ZNF75D: variants seen among roughly 807,000 people sequenced by gnomAD.
ZNF75D encodes the protein zinc finger protein 75D, also known as zinc finger protein 75.
Under a neutral mutation model 33.3 loss-of-function variants are expected in ZNF75D, and 33 were observed. The ratio of observed to expected loss-of-function variants is 0.99; its 90% CI spans 0.75 to 1.32. The LOEUF (loss-of-function observed/expected upper bound fraction) is 1.32, where lower values mean the gene tolerates loss of function less well. Among genes scored for constraint, ZNF75D ranks in the 40% most tolerant of loss-of-function variants. ZNF75D has a pLI of 0.00. For synonymous variants in ZNF75D, 113 were observed against 130.6 expected (o/e 0.87, Z 0.92); for missense variants, 338 against 367.5 (o/e 0.92, Z 0.66).
chrX:135,278,288 T>C (rs1393810174), intron 1 of ZNF75D, among the ~76,000 whole-genome samples: 1 of 111,771 alleles, frequency 8.9e-6, no homozygotes, highest in Non-Finnish European at 1.9e-5. Context: ...TTGGCTCATC[T>C]GTCTATTATT....
intron 1 of ZNF75D, among the ~76,000 whole-genome samples, chrX:135,257,186 C>T (rs188073871): frequency 3.5e-5 from 4 of 112,748 alleles, no homozygotes; most frequent in African/African-American, 1.3e-4. Flanking sequence ...AGTACCAGCT[C>T]AGCCAGTGCA....
exon 4 of ZNF75D, chrX:135,249,070 T>C (rs2083770768): frequency 3.1e-6 from 1 of 324,330 alleles, no homozygotes; most frequent in African/African-American, 2.7e-5. Context: ...TGGTATGGCT[T>C]GCTTCAGTGT....
chrX:135,287,399 G>A lies in ZNF75D; in HGVS notation c.1271C>T (p.Ser424Leu), dbSNP rs782652504. 6 of 1,211,313 alleles carry A rather than the reference G, an allele frequency of 5.0e-6. No homozygotes were observed. The highest frequency in any genetic ancestry group is 3.5e-5 in the South Asian group (2 of 56,951). The change falls in exon 7 of 7, where the codon TCA becomes TTA. Residue 424 changes from serine to leucine, a missense_variant. Coordinates refer to ENST00000370766, the MANE Select transcript of ZNF75D (RefSeq NM_007131.5). ...THQGIKPYRC[S>L]WCGKSFSHNT... ...ATGACTAAAGCTTTTCCCACACCAT[G>A]AGCATCTATATGGTTTTATTCCTTG...
At chrX:135,269,264 T>C (rs2083873733) in intron 1 of ZNF75D, among the ~76,000 whole-genome samples, 1 of 110,850 alleles carries the variant, frequency 9.0e-6, no homozygotes, top group Non-Finnish European at 1.9e-5. Context: ...TCATATCAAG[T>C]GAAAAACCTT....
chrX:135,266,130 C>T (rs1556416295), intron 1 of ZNF75D, among the ~76,000 whole-genome samples: 1 of 110,763 alleles, frequency 9.0e-6, no homozygotes, highest in Admixed American at 9.7e-5. Context: ...AACACATACA[C>T]AAAAATAAAA....
chrX:135,306,286 CAT>C (rs1321918286), intron 1 of ZNF75D, among the ~76,000 whole-genome samples: 44 of 68,242 alleles, frequency 6.4e-4, no homozygotes, highest in African/African-American at 1.7e-3. Context: ...AACAGAGATA[CAT>C]ACACACACAC....
intron 1 of ZNF75D, among the ~76,000 whole-genome samples, chrX:135,318,513 G>A (rs1190076433): frequency 4.5e-5 from 5 of 111,433 alleles, no homozygotes; most frequent in East Asian, 2.8e-4. Context: ...GAACTTAGAT[G>A]ACCAAAATCC....
intron 1 of ZNF75D, among the ~76,000 whole-genome samples, chrX:135,265,038 G>T (rs781942595): frequency 1.9e-4 from 21 of 111,192 alleles, no homozygotes; most frequent in Admixed American, 4.8e-4. Context: ...GGCCAAAATG[G>T]TGAAACCCCA....
chrX:135,299,306 C>G (rs2084180761), intron 1 of ZNF75D, among the ~76,000 whole-genome samples: 1 of 111,849 alleles, frequency 8.9e-6, no homozygotes, highest in Admixed American at 9.5e-5. Context: ...TTATTACATG[C>G]CTTTTTAAAT....
chrX:135,340,612 C>T (rs1179861115), intron 1 of ZNF75D, among the ~76,000 whole-genome samples: 1 of 111,739 alleles, frequency 8.9e-6, no homozygotes, highest in Non-Finnish European at 1.9e-5. Context: ...GCACAGTGTC[C>T]GGGGACTCTG....
chrX:135,269,966 T>A (rs1314260152), intron 1 of ZNF75D, among the ~76,000 whole-genome samples: 2 of 111,100 alleles, frequency 1.8e-5, no homozygotes, highest in African/African-American at 6.5e-5. Flanking sequence ...GCGGAGGTCA[T>A]TATGTTAAGC....
At chrX:135,308,345 G>C (rs2084314769) in intron 1 of ZNF75D, among the ~76,000 whole-genome samples, 1 of 112,080 alleles carries the variant, frequency 8.9e-6, no homozygotes, top group Non-Finnish European at 1.9e-5. Context: ...TTCTTCAAAA[G>C]AAACCTGAGT....
chrX:135,306,297 AC>A, intron 1 of ZNF75D, among the ~76,000 whole-genome samples: 1 of 77,070 alleles, frequency 1.3e-5, no homozygotes, highest in South Asian at 7.3e-4. Flanking sequence ...ATACACACAC[AC>A]ACACACACAC....
chrX:135,275,041 G>T (rs1368278824), intron 1 of ZNF75D, among the ~76,000 whole-genome samples: 1 of 112,036 alleles, frequency 8.9e-6, no homozygotes, highest in Non-Finnish European at 1.9e-5. Context: ...CTAAAAGTTA[G>T]TTCAAATTAC....
At chrX:135,323,429 G>A (rs1199165377) in intron 1 of ZNF75D, among the ~76,000 whole-genome samples, 1 of 112,258 alleles carries the variant, frequency 8.9e-6, no homozygotes, top group Non-Finnish European at 1.9e-5. Flanking sequence ...ATTTTGTAGG[G>A]TCCTAGTGAG....
At chrX:135,269,491 A>G (rs888676636) in intron 1 of ZNF75D, among the ~76,000 whole-genome samples, 1 of 112,484 alleles carries the variant, frequency 8.9e-6, no homozygotes, top group African/African-American at 3.2e-5. Context: ...AGACATATGA[A>G]AAGGTCCTCA....
intron 1 of ZNF75D, among the ~76,000 whole-genome samples, chrX:135,277,160 C>A (rs1556417726): frequency 8.9e-6 from 1 of 112,185 alleles, no homozygotes; most frequent in African/African-American, 3.2e-5. Context: ...TCTGTTGTTT[C>A]CTGTCTTTTT....
chrX:135,278,156 C>T (rs1556417904), intron 1 of ZNF75D, among the ~76,000 whole-genome samples: 1 of 111,527 alleles, frequency 9.0e-6, no homozygotes, highest in African/African-American at 3.3e-5. Flanking sequence ...TGTGTCCTCT[C>T]TTATTTCCTT....
chrX:135,256,583 A>T (rs1253480094), intron 1 of ZNF75D, among the ~76,000 whole-genome samples: 1 of 111,702 alleles, frequency 9.0e-6, no homozygotes, highest in Non-Finnish European at 1.9e-5. Flanking sequence ...TGCAGTTTCT[A>T]AGGAAATCCT....
Sources: gnomAD v4.1 joint callset for allele counts (sites outside exome capture counted in the v4.1 genomes callset) on GRCh38, gnomAD v4.1.1 for gene constraint, MANE v1.5 for transcripts, NCBI Gene and HGNC (gene_info 2026-07-23, HGNC 2026-07-21) for gene names.